MYT1L: variants seen among roughly 807,000 people sequenced by gnomAD.
MYT1L encodes the protein myelin transcription factor 1 like, also known as myelin transcription factor 1-like protein.
MYT1L carries 12 observed loss-of-function variants against 126.7 expected under a neutral mutation model. That is an observed-to-expected ratio of 0.09 (90% CI 0.06 to 0.15). The LOEUF (loss-of-function observed/expected upper bound fraction) is 0.15, where lower values mean the gene tolerates loss of function less well. MYT1L is among the 10% of genes least tolerant of loss of function. The pLI is 1.00. For synonymous variants in MYT1L, 541 were observed against 604.2 expected (o/e 0.90, Z 1.53); for missense variants, 979 against 1,585.2 (o/e 0.62, Z 6.49).
chr2:2,120,775 G>A (rs1212130441), intron 3 of MYT1L, among the ~76,000 whole-genome samples: 3 of 152,088 alleles, frequency 2.0e-5, no homozygotes, highest in African/African-American at 7.2e-5. Context: ...CTGTGGATAC[G>A]AATGTGCGCA....
In MYT1L at chr2:2,246,226, T is replaced by C. The variant is rs2094532410; in HGVS notation, c.-421+38178A>G. Among the ~76,000 whole-genome samples, 3 of 152,122 alleles carry C rather than the reference T, an allele frequency of 2.0e-5. No homozygotes were observed. The South Asian group carries it at 6.2e-4, about 32-fold the overall frequency. On this transcript the variant is annotated intron_variant, in intron 2 of 24. Coordinates refer to ENST00000647738, the MANE Select transcript of MYT1L (RefSeq NM_001303052.2). ...TGACAATGACAATCATTTAGTAGGT[T>C]CTGTGAAATACACTAGCAGCCCCCA...
At chr2:2,182,116 C>A (rs1327216737) in intron 2 of MYT1L, among the ~76,000 whole-genome samples, 1 of 151,556 alleles carries the variant, frequency 6.6e-6, no homozygotes, top group Non-Finnish European at 1.5e-5. Context: ...ACGGACAGCA[C>A]GCCCCACTCT....
chr2:1,996,428 G>C (rs537856464), intron 5 of MYT1L, among the ~76,000 whole-genome samples: 1 of 151,172 alleles, frequency 6.6e-6, no homozygotes, highest in East Asian at 2.0e-4. Context: ...ACCGAGTATA[G>C]ATGGGCCGCC....
chr2:2,109,993 G>T (rs1400158685), intron 3 of MYT1L, among the ~76,000 whole-genome samples: 2 of 146,568 alleles, frequency 1.4e-5, no homozygotes, highest in Admixed American at 1.4e-4. Flanking sequence ...TATATCCATG[G>T]AAACAAACAG....
intron 3 of MYT1L, among the ~76,000 whole-genome samples, chr2:2,095,429 C>A (rs1294939140): frequency 6.6e-6 from 1 of 152,158 alleles, no homozygotes; most frequent in Non-Finnish European, 1.5e-5. Context: ...CCTGAATACA[C>A]AAGGACTGTG....
intron 8 of MYT1L, among the ~76,000 whole-genome samples, chr2:1,959,265 T>C (rs1281381024): frequency 6.6e-6 from 1 of 152,184 alleles, no homozygotes; most frequent in Non-Finnish European, 1.5e-5. Flanking sequence ...CCACGTGCCT[T>C]AAGATACAGC....
intron 3 of MYT1L, among the ~76,000 whole-genome samples, chr2:2,132,625 C>A (rs956504054): frequency 1.3e-5 from 2 of 151,998 alleles, no homozygotes; most frequent in Non-Finnish European, 2.9e-5. Context: ...CCAATGCATG[C>A]GGGGCTTAAA....
At chr2:2,087,263 A>T (rs1194742101) in intron 3 of MYT1L, among the ~76,000 whole-genome samples, 6 of 152,064 alleles carry the variant, frequency 3.9e-5, no homozygotes, top group Non-Finnish European at 8.8e-5. Flanking sequence ...TTCTTTTTTT[A>T]AAAAAAGGAT....
chr2:1,996,173 G>A (rs1478956690), intron 5 of MYT1L, among the ~76,000 whole-genome samples: 2 of 152,222 alleles, frequency 1.3e-5, no homozygotes, highest in Non-Finnish European at 1.5e-5. Context: ...AACCGGGCTA[G>A]GAGATGTGAG....
At chr2:2,114,311 C>T (rs2079910212) in intron 3 of MYT1L, among the ~76,000 whole-genome samples, 1 of 152,174 alleles carries the variant, frequency 6.6e-6, no homozygotes, top group Non-Finnish European at 1.5e-5. Context: ...GTAGGAAAAA[C>T]AAGTCCCAAG....
chr2:2,107,126 C>T (rs114634173), intron 3 of MYT1L, among the ~76,000 whole-genome samples: 2 of 152,214 alleles, frequency 1.3e-5, no homozygotes, highest in Non-Finnish European at 2.9e-5. Context: ...GCACACAGTT[C>T]AGAAGCAGTC....
intron 3 of MYT1L, among the ~76,000 whole-genome samples, chr2:2,160,098 T>C (rs1292238900): frequency 6.6e-6 from 1 of 152,088 alleles, no homozygotes; most frequent in African/African-American, 2.4e-5. Context: ...TGGAGAAGTT[T>C]AACGAGGTAA....
chr2:1,995,277 G>C (rs1282273745), intron 5 of MYT1L, among the ~76,000 whole-genome samples: 1 of 152,180 alleles, frequency 6.6e-6, no homozygotes, highest in Non-Finnish European at 1.5e-5. Flanking sequence ...AAAATGCACA[G>C]GGCTCCACAC....
intron 19 of MYT1L, among the ~76,000 whole-genome samples, chr2:1,847,410 T>A (rs557894705): frequency 6.6e-6 from 1 of 152,164 alleles, no homozygotes; most frequent in African/African-American, 2.4e-5. Context: ...GACTTCTGCA[T>A]TGGAACAACT....
chr2:1,968,784 C>T (rs111911800), intron 8 of MYT1L, among the ~76,000 whole-genome samples: 7 of 152,302 alleles, frequency 4.6e-5, no homozygotes, highest in Admixed American at 1.3e-4. Flanking sequence ...AGAGGCTGCA[C>T]GGCACACACA....
Position 1,836,685 on chromosome 2 carries a change from C to T in MYT1L, c.3080+2464G>A, listed in dbSNP as rs144474226. 1.9e-3 allele frequency among the ~76,000 whole-genome samples: 293 copies of T among 151,224 alleles called. 5 individuals carry two copies. The highest frequency in any genetic ancestry group is 6.8e-3 in the African/African-American group (281 of 41,126). On this transcript the variant is annotated intron_variant, in intron 21 of 24. Coordinates refer to ENST00000647738, the MANE Select transcript of MYT1L (RefSeq NM_001303052.2). The stretch of plus-strand genomic sequence containing the variant: ...AGCCTGTACCCCAAGATTCCATCAG[C>T]CTGCACCCCAAGATCCCATCAGCCT...
At chr2:2,107,014 A>T (rs1296578070) in intron 3 of MYT1L, among the ~76,000 whole-genome samples, 1 of 151,490 alleles carries the variant, frequency 6.6e-6, no homozygotes, top group African/African-American at 2.4e-5. Context: ...CAGAGCTGGA[A>T]GTACCTCATC....
intron 8 of MYT1L, among the ~76,000 whole-genome samples, chr2:1,950,478 G>C (rs1310546354): frequency 6.6e-6 from 1 of 152,028 alleles, no homozygotes; most frequent in African/African-American, 2.4e-5. Context: ...GACAGAGGAG[G>C]CTTCACAGGG....
At chr2:2,225,565 G>A (rs954261236) in intron 2 of MYT1L, among the ~76,000 whole-genome samples, 1 of 152,112 alleles carries the variant, frequency 6.6e-6, no homozygotes, top group East Asian at 1.9e-4. Flanking sequence ...CTCAGTTCAT[G>A]TTCCATAATT....
Sources: gnomAD v4.1 joint callset for allele counts (sites outside exome capture counted in the v4.1 genomes callset) on GRCh38, gnomAD v4.1.1 for gene constraint, MANE v1.5 for transcripts, NCBI Gene and HGNC (gene_info 2026-07-23, HGNC 2026-07-21) for gene names.